The following THADA variants were observed in gnomAD, a reference collection of about 807,000 sequenced individuals.
The protein encoded by THADA is tRNA (32-2'-O)-methyltransferase regulator THADA.
THADA carries 213 observed loss-of-function variants against 219.8 expected under a neutral mutation model. The observed-to-expected ratio is 0.97, with a 90% CI of 0.87 to 1.09. The LOEUF (loss-of-function observed/expected upper bound fraction) is 1.09. THADA is among the 50% of genes least tolerant of loss of function. The probability of loss-of-function intolerance (pLI) is 0.00; values close to 1 mark genes in which losing one functional copy is unlikely to be tolerated. For synonymous variants in THADA, 1,018 were observed against 828.9 expected (o/e 1.23, Z -3.92); for missense variants, 2,956 against 2,311.3 (o/e 1.28, Z -5.72).
chr2:43,435,688 C>T (rs561819456), intron 26 of THADA, among the ~76,000 whole-genome samples: 5 of 149,526 alleles, frequency 3.3e-5, no homozygotes, highest in African/African-American at 4.9e-5. Context: ...GAGGCTGATG[C>T]GACAGAATCG....
chr2:43,511,956 C>CTT (rs779340242), intron 22 of THADA, among the ~76,000 whole-genome samples: 24 of 152,140 alleles, frequency 1.6e-4, no homozygotes, highest in Admixed American at 6.5e-4. Flanking sequence ...TAGGTCAAGG[C>CTT]CCCAGAGGCA....
At chr2:43,589,350 T>G (rs1701316141) in intron 4 of THADA, among the ~76,000 whole-genome samples, 1 of 152,190 alleles carries the variant, frequency 6.6e-6, no homozygotes, top group Non-Finnish European at 1.5e-5. Context: ...GACATTATGT[T>G]AAGTGAAATA....
rs111298296 is a variant in THADA, at chr2:43,521,490, A to C, written c.3374+6389T>G. On this transcript the variant is annotated intron_variant, in intron 22 of 37. Coordinates refer to ENST00000405975, the MANE Select transcript of THADA (RefSeq NM_022065.5). ...AGATTCACTTGAACCCGGGAGACAG[A>C]GGTTGCAGTGAGCCGAGATTGCACC... Among the ~76,000 whole-genome samples, 1,332 of 152,258 alleles carry C rather than the reference A, an allele frequency of 8.7e-3. 21 individuals are homozygous for C. Among genetic ancestry groups the C allele is most frequent in the African/African-American group, 0.031 (1,276 of 41,546 alleles).
At chr2:43,320,367 T>G in intron 31 of THADA, 79 bp downstream of exon 31, 7 of 1,014,288 alleles carry the variant, frequency 6.9e-6, no homozygotes, top group Non-Finnish European at 1.1e-5. Context: ...GAGCAGTGTG[T>G]GGCAGAGCCA....
chr2:43,391,452 C>T (rs763465293), intron 29 of THADA, among the ~76,000 whole-genome samples: 7 of 152,150 alleles, frequency 4.6e-5, no homozygotes, highest in Non-Finnish European at 8.8e-5. Context: ...AAGTAACAGA[C>T]ACCAAATAAA....
intron 29 of THADA, among the ~76,000 whole-genome samples, chr2:43,377,382 C>G (rs1435082487): frequency 6.6e-6 from 1 of 151,782 alleles, no homozygotes; most frequent in African/African-American, 2.4e-5. Flanking sequence ...CCTCTTTAGA[C>G]ATAGATTTTT....
At chr2:43,240,165 C>A (rs895155669) in intron 36 of THADA, among the ~76,000 whole-genome samples, 13 of 152,300 alleles carry the variant, frequency 8.5e-5, no homozygotes, top group African/African-American at 2.9e-4. Flanking sequence ...AGGACACACA[C>A]AACCGAGAGG....
chr2:43,510,221 G>A (rs1044594068), intron 22 of THADA, among the ~76,000 whole-genome samples: 2 of 152,088 alleles, frequency 1.3e-5, no homozygotes, highest in African/African-American at 2.4e-5. Context: ...ATCACAAATC[G>A]GGGATGTGTT....
chr2:43,430,242 C>A lies in THADA; in HGVS notation c.3897G>T (p.Gln1299His), dbSNP rs758123298. Residue 1299 changes from glutamine to histidine, a missense_variant, in exon 27 of 38, where the codon CAG (glutamine) becomes CAT (histidine). Gln to His is a conservative substitution (Grantham distance 24). Coordinates refer to ENST00000405975, the MANE Select transcript of THADA (RefSeq NM_022065.5). ...CTACTGTATTGGCTACAGTTTCCAA[C>A]TGTTTGAGAAGAAAAGGATAGAGTT... ...FPELYPFLLK[Q>H]LETVANTVDS... The A allele has an allele frequency of 1.1e-5, 17 of 1,550,782 alleles. No homozygotes were observed. Among genetic ancestry groups the A allele is most frequent in the South Asian group, 4.9e-5 (4 of 82,416 alleles).
At chr2:43,480,836 A>G (rs1185591931) in intron 26 of THADA, among the ~76,000 whole-genome samples, 1 of 151,896 alleles carries the variant, frequency 6.6e-6, no homozygotes, top group Non-Finnish European at 1.5e-5. Flanking sequence ...AAAAAAAAAA[A>G]AAGAAAAAAA....
At chr2:43,244,119 G>A (rs935893661) in intron 36 of THADA, among the ~76,000 whole-genome samples, 2 of 152,116 alleles carry the variant, frequency 1.3e-5, no homozygotes, top group Middle Eastern at 3.4e-3. Context: ...TCAAAACACT[G>A]GGTAAATAAA....
chr2:43,568,373 C>A (rs1238629426), intron 14 of THADA, among the ~76,000 whole-genome samples: 1 of 152,188 alleles, frequency 6.6e-6, no homozygotes, highest in Admixed American at 6.5e-5. Flanking sequence ...GAGCCTACCA[C>A]ACCCTGTGCA....
chr2:43,503,608 C>A (rs1689294863), intron 24 of THADA, among the ~76,000 whole-genome samples: 1 of 152,046 alleles, frequency 6.6e-6, no homozygotes, highest in Non-Finnish European at 1.5e-5. Flanking sequence ...ATTTTTTAAA[C>A]TGGAACTGGT....
intron 14 of THADA, among the ~76,000 whole-genome samples, 199 bp downstream of exon 14, chr2:43,570,189 C>A (rs943836465): frequency 2.0e-5 from 3 of 152,132 alleles, no homozygotes; most frequent in African/African-American, 7.2e-5. Flanking sequence ...TAACAGTCCT[C>A]CGGTACAGCA....
At chr2:43,289,900 C>T (rs1033026812) in intron 34 of THADA, among the ~76,000 whole-genome samples, 9 of 151,766 alleles carry the variant, frequency 5.9e-5, no homozygotes, top group East Asian at 3.9e-4. Flanking sequence ...GTGATCCGCC[C>T]GCCTCAGCCT....
At chr2:43,491,976 C>G (rs951886702) in intron 25 of THADA, 1 of 152,104 alleles carries the variant, frequency 6.6e-6, no homozygotes, top group Non-Finnish European at 1.5e-5. Flanking sequence ...ATAACTTTTT[C>G]TTTCCTTTCT....
At chr2:43,483,032 C>T (rs532886257) in intron 26 of THADA, among the ~76,000 whole-genome samples, 1 of 152,158 alleles carries the variant, frequency 6.6e-6, no homozygotes, top group Admixed American at 6.5e-5. Context: ...CCAAGTCAGA[C>T]CTTTATTTCC....
At chr2:43,520,742 A>T (rs1375106309) in intron 22 of THADA, among the ~76,000 whole-genome samples, 1 of 150,982 alleles carries the variant, frequency 6.6e-6, no homozygotes, top group Non-Finnish European at 1.5e-5. Context: ...ACACACACAC[A>T]CATATATATC....
chr2:43,541,539 C>T (rs1430262696), intron 20 of THADA, among the ~76,000 whole-genome samples: 2 of 151,552 alleles, frequency 1.3e-5, no homozygotes, highest in African/African-American at 2.4e-5. Context: ...GACAGGGTCT[C>T]GCTCTGTCAC....
Sources: allele counts gnomAD v4.1 joint callset (sites outside exome capture counted in the v4.1 genomes callset), GRCh38; gene constraint gnomAD v4.1.1; transcripts MANE v1.5; gene names NCBI Gene and HGNC (gene_info 2026-07-23, HGNC 2026-07-21).